The following GABRG3 variants were observed in gnomAD, a reference collection of about 807,000 sequenced individuals.
GABRG3 encodes gamma-aminobutyric acid type A receptor subunit gamma3, also known as gamma-aminobutyric acid receptor subunit gamma-3.
In GABRG3, 25 loss-of-function variants were observed where a neutral mutation model predicts 48.8. The observed-to-expected ratio is 0.51, with a 90% CI of 0.37 to 0.72. GABRG3 has a LOEUF of 0.72. Among genes scored for constraint, GABRG3 ranks in the 30% least tolerant of loss-of-function variants. GABRG3 has a pLI of 0.00. For synonymous variants in GABRG3, 227 were observed against 217.6 expected (o/e 1.04, Z -0.38); for missense variants, 394 against 577.9 (o/e 0.68, Z 3.26).
chr15:27,234,167 T>A (rs1027638612), intron 3 of GABRG3, among the ~76,000 whole-genome samples: 4 of 152,184 alleles, frequency 2.6e-5, no homozygotes, highest in African/African-American at 9.7e-5. Flanking sequence ...TCTGTCTAAT[T>A]CTATTCTGTC....
intron 5 of GABRG3, among the ~76,000 whole-genome samples, chr15:27,375,761 C>A (rs1002820360): frequency 6.6e-6 from 1 of 152,122 alleles, no homozygotes; most frequent in Non-Finnish European, 1.5e-5. Context: ...CCTGCTGGGT[C>A]CCTCCCACAA....
At chr15:27,407,460 G>A (rs1887672658) in intron 5 of GABRG3, among the ~76,000 whole-genome samples, 1 of 152,136 alleles carries the variant, frequency 6.6e-6, no homozygotes, top group Non-Finnish European at 1.5e-5. Context: ...ACACTCCTTG[G>A]TATTTGCCCA....
At chr15:27,215,631 A>T (rs1889222282) in intron 3 of GABRG3, among the ~76,000 whole-genome samples, 1 of 152,226 alleles carries the variant, frequency 6.6e-6, no homozygotes, top group African/African-American at 2.4e-5. Context: ...GTTATTAAAC[A>T]CATTTGCAAA....
intron 3 of GABRG3, among the ~76,000 whole-genome samples, chr15:27,039,386 A>G (rs945506596): frequency 6.6e-6 from 1 of 152,156 alleles, no homozygotes; most frequent in Non-Finnish European, 1.5e-5. Context: ...GGCTTCCTGC[A>G]CTGAATAAGA....
At chr15:27,364,353 C>T (rs550832953) in intron 5 of GABRG3, 119 of 152,542 alleles carry the variant, frequency 7.8e-4, no homozygotes, top group Non-Finnish European at 1.2e-3. Flanking sequence ...AGGGCAGATG[C>T]GCCTCTACAT....
intron 5 of GABRG3, among the ~76,000 whole-genome samples, chr15:27,354,508 G>A (rs1358719957): frequency 6.6e-6 from 1 of 152,192 alleles, no homozygotes; most frequent in African/African-American, 2.4e-5. Context: ...CCGTGTGGGT[G>A]GCACTGCCTG....
At chr15:27,496,816 A>G (rs966668054) in intron 6 of GABRG3, among the ~76,000 whole-genome samples, 3 of 152,210 alleles carry the variant, frequency 2.0e-5, no homozygotes, top group Admixed American at 6.5e-5. Context: ...CAGGATGTAG[A>G]AAAATGTTTG....
At chr15:27,083,716 G>C (rs533283546) in intron 3 of GABRG3, among the ~76,000 whole-genome samples, 1 of 152,270 alleles carries the variant, frequency 6.6e-6, no homozygotes, top group East Asian at 1.9e-4. Flanking sequence ...GAAGGATGTT[G>C]AAATCTACAT....
intron 5 of GABRG3, among the ~76,000 whole-genome samples, chr15:27,369,120 A>G (rs934985093): frequency 4.1e-4 from 63 of 152,240 alleles, no homozygotes; most frequent in African/African-American, 1.5e-3. Flanking sequence ...ACTTAATTAC[A>G]TGGATGATTT....
intron 3 of GABRG3, among the ~76,000 whole-genome samples, chr15:27,132,471 G>GTTTTT (rs59023766): frequency 8.3e-4 from 33 of 39,562 alleles, no homozygotes; most frequent in African/African-American, 2.0e-3. Context: ...AGTAGTTACA[G>GTTTTT]TTTTTTTTTT....
In GABRG3 at chr15:26,976,878, G is replaced by A. The variant is rs1249840374; in HGVS notation, c.54-124G>A. 3 of 858,636 alleles carry A rather than the reference G, an allele frequency of 3.5e-6. No homozygotes were observed. In the East Asian group the frequency reaches 7.6e-5, roughly 22 times the overall value. 53.2% of individuals were successfully genotyped at this position (858,636 alleles called of 1,614,324 possible). On this transcript the variant is annotated intron_variant, in intron 1 of 9. Transcript: ENST00000615808. The surrounding 1 kb of genome is among the most constrained non-coding windows in gnomAD (Gnocchi z 7.8). ...AAAATATTTTCGGGTTTTCACGTGT[G>A]TGGTTGGGCTGTGGGTACTGGGGAC...
At position 27,306,088 on chromosome 15, in the gene GABRG3, C is replaced by A. The variant is rs1376946206; in HGVS notation, c.271-20721C>A. Among the ~76,000 whole-genome samples, 31 of 104,178 alleles carry A rather than the reference C, an allele frequency of 3.0e-4. No homozygotes were observed. In the Admixed American group the frequency reaches 3.3e-3, roughly 11 times the overall value. The allele number at this position is 104,178 out of a possible 152,430, so 68.3% of individuals were successfully genotyped here. A position where few individuals can be genotyped will look rare whatever the true frequency, so the allele number is the denominator to read the frequency against. Reference sequence around the variant, plus strand: ...TTTATATATAAACATATAATATAAACCTATATGTTTATATATAAACATATA... The same window carrying A: ...TTTATATATAAACATATAATATAAAACTATATGTTTATATATAAACATATA... On this transcript the variant is annotated intron_variant, in intron 3 of 9. Transcript: ENST00000615808.
intron 5 of GABRG3, among the ~76,000 whole-genome samples, chr15:27,443,568 A>C (rs1422033780): frequency 6.6e-6 from 1 of 152,228 alleles, no homozygotes; most frequent in Non-Finnish European, 1.5e-5. Context: ...CCTTTTATAG[A>C]TAAATTAAAT....
chr15:27,091,331 T>C (rs1897181260), intron 3 of GABRG3, among the ~76,000 whole-genome samples: 1 of 152,258 alleles, frequency 6.6e-6, no homozygotes, highest in African/African-American at 2.4e-5. Context: ...TAAATCCCAC[T>C]TGATCATGAT....
At chr15:27,327,199 A>C (rs1254081188) in intron 4 of GABRG3, among the ~76,000 whole-genome samples, 170 bp downstream of exon 4, 1 of 152,212 alleles carries the variant, frequency 6.6e-6, no homozygotes, top group Non-Finnish European at 1.5e-5. Flanking sequence ...GTAAAAATAA[A>C]AGCATACAGA....
At chr15:27,041,218 T>G (rs898971476) in intron 3 of GABRG3, among the ~76,000 whole-genome samples, 3 of 152,228 alleles carry the variant, frequency 2.0e-5, no homozygotes, top group African/African-American at 7.2e-5. Flanking sequence ...GGTCTCTCTG[T>G]GTCACCCAGG....
chr15:27,479,850 C>A (rs1890053991), intron 5 of GABRG3, among the ~76,000 whole-genome samples: 2 of 152,202 alleles, frequency 1.3e-5, no homozygotes, highest in African/African-American at 4.8e-5. Context: ...GCAGGTGCAC[C>A]AGGTCAAAGA....
At chr15:27,066,375 C>G (rs1402826169) in intron 3 of GABRG3, among the ~76,000 whole-genome samples, 6 of 152,070 alleles carry the variant, frequency 3.9e-5, no homozygotes, top group Admixed American at 3.9e-4. Flanking sequence ...GCTGTTTCAG[C>G]GTTGCTGTTG....
chr15:27,316,679 G>T (rs1893241515), intron 3 of GABRG3, among the ~76,000 whole-genome samples: 1 of 152,198 alleles, frequency 6.6e-6, no homozygotes, highest in Admixed American at 6.5e-5. Flanking sequence ...GAATGATGAG[G>T]AATTTCGTTC....
Sources: allele counts gnomAD v4.1 joint callset (sites outside exome capture counted in the v4.1 genomes callset), GRCh38; gene constraint gnomAD v4.1.1; non-coding constraint Gnocchi (gnomAD v3.1); transcripts MANE v1.5; gene names NCBI Gene and HGNC (gene_info 2026-07-23, HGNC 2026-07-21).